Variants in SMOC2 observed in about 807,000 individuals in gnomAD.
The protein encoded by SMOC2 is SPARC related modular calcium binding 2, also known as SPARC-related modular calcium-binding protein 2.
In SMOC2, 39 loss-of-function variants were observed where a neutral mutation model predicts 61.4. That is an observed-to-expected ratio of 0.64 (90% confidence interval 0.49 to 0.83). SMOC2 has a LOEUF of 0.83. Among genes scored for constraint, SMOC2 ranks in the 40% least tolerant of loss-of-function variants. The pLI is 0.00. For missense variants in SMOC2, 556 were observed against 592.9 expected, an observed-to-expected ratio of 0.94 and a Z score of 0.65; for synonymous variants, 247 against 239.9, an observed-to-expected ratio of 1.03 and a Z score of -0.27.
rs139340655 is a variant in SMOC2, at chr6:168,474,150, T to C, written c.84+32696T>C. Among the ~76,000 whole-genome samples the C allele has an allele frequency of 3.8e-3, 575 of 152,184 alleles. 3 individuals are homozygous for C. The highest frequency in any genetic ancestry group is 0.013 in the African/African-American group (554 of 41,534). On this transcript the variant is annotated intron_variant, in intron 1 of 12. Coordinates refer to ENST00000356284, the MANE Select transcript of SMOC2 (RefSeq NM_001166412.2). ...TTCAATAGTGAGCATTTAGCACAGGTGGGGAGGAAAGCCCCCTGGGGAAGG... is the reference window on the plus strand; with the variant it reads ...TTCAATAGTGAGCATTTAGCACAGGCGGGGAGGAAAGCCCCCTGGGGAAGG...
chr6:168,488,633 G>A (rs1308528551), intron 1 of SMOC2, among the ~76,000 whole-genome samples: 2 of 152,182 alleles, frequency 1.3e-5, no homozygotes, highest in Non-Finnish European at 2.9e-5. Context: ...CAATCGAATC[G>A]TCTGGGTCCC....
chr6:168,497,357 TC>T (rs775600158), intron 1 of SMOC2, among the ~76,000 whole-genome samples: 3 of 152,248 alleles, frequency 2.0e-5, no homozygotes, highest in Non-Finnish European at 4.4e-5. Context: ...AGGGACGGCC[TC>T]TGCACCTGCC....
In SMOC2 at chr6:168,453,958, C is replaced by T. The variant is rs1054675014; in HGVS notation, c.84+12504C>T. On this transcript the variant is annotated intron_variant, in intron 1 of 12. Transcript: ENST00000356284. The surrounding 1 kb of genome is among the most constrained non-coding windows in gnomAD (Gnocchi z 4.4). The stretch of plus-strand genomic sequence containing the variant: ...TCTATCTTTGGTCTCTGCCATTCTC[C>T]CTCTCTGTTTTGTCTATCTTTCTTT... Among the ~76,000 whole-genome samples the T allele has an allele frequency of 1.3e-5, 2 of 151,920 alleles. No homozygotes were observed. The highest frequency in any genetic ancestry group is 2.4e-5 in the African/African-American group (1 of 41,340).
intron 1 of SMOC2, among the ~76,000 whole-genome samples, chr6:168,454,908 G>A (rs1255224205): frequency 6.6e-6 from 1 of 152,052 alleles, no homozygotes; most frequent in Non-Finnish European, 1.5e-5. Context: ...CTGTGGCCAG[G>A]GTCCCGGTTT....
chr6:168,530,383 C>G (rs559440063), intron 4 of SMOC2, among the ~76,000 whole-genome samples: 49 of 152,132 alleles, frequency 3.2e-4, no homozygotes, highest in African/African-American at 1.1e-3. Context: ...TGCAAAATAC[C>G]TAAATTCCTA....
intron 1 of SMOC2, among the ~76,000 whole-genome samples, chr6:168,482,201 G>T (rs1283347576): frequency 6.6e-6 from 1 of 151,758 alleles, no homozygotes. Flanking sequence ...AAGTGAAAGT[G>T]GGTTTTCCTA....
chr6:168,632,706 A>G (rs753397383), intron 9 of SMOC2, among the ~76,000 whole-genome samples: 2 of 152,216 alleles, frequency 1.3e-5, no homozygotes, highest in Non-Finnish European at 2.9e-5. Context: ...TGTTTGATAT[A>G]CAGATGGTTA....
chr6:168,613,782 C>T (rs866991368), intron 9 of SMOC2, among the ~76,000 whole-genome samples: 3 of 108,482 alleles, frequency 2.8e-5, no homozygotes, highest in Admixed American at 8.7e-5. Context: ...GGCCTCTTCA[C>T]ACCTACAGCC....
At chr6:168,638,590 T>C (rs1786807165) in intron 9 of SMOC2, among the ~76,000 whole-genome samples, 1 of 152,104 alleles carries the variant, frequency 6.6e-6, no homozygotes. Context: ...GGAGCTCAGC[T>C]GGGGAGGAGG....
At position 168,547,159 on chromosome 6, in the gene SMOC2, A is replaced by G. The variant is rs1435690749; in HGVS notation, c.552A>G (p.Gly184=). The part of the protein sequence containing the change: ...AAPALETQPQ[G]DEEDIASRYP... ...CAGCGTTGGAGACTCAGCCTCAAGG[A>G]GATGAAGAAGGTGAGCCGGGGTGGG... The change falls in exon 6 of 13, where the codon GGA becomes GGG. Residue 184 remains glycine (G), a synonymous_variant. Coordinates refer to ENST00000356284, the MANE Select transcript of SMOC2 (RefSeq NM_001166412.2). 6.2e-7 allele frequency: 1 copy of G among 1,613,930 alleles called. No homozygotes were observed. Among genetic ancestry groups the G allele is most frequent in the Middle Eastern group, 1.7e-4 (1 of 6,060 alleles).
chr6:168,485,455 A>G (rs1782308264), intron 1 of SMOC2, among the ~76,000 whole-genome samples: 2 of 152,244 alleles, frequency 1.3e-5, no homozygotes, highest in Non-Finnish European at 2.9e-5. Context: ...AATAAGTAAA[A>G]TGCAGCCTAG....
At chr6:168,530,876 GT>G (rs1207858409) in intron 4 of SMOC2, among the ~76,000 whole-genome samples, 1 of 152,180 alleles carries the variant, frequency 6.6e-6, no homozygotes, top group Non-Finnish European at 1.5e-5. Context: ...TCCCAGCAGT[GT>G]TCACATGAGA....
chr6:168,450,675 T>G (rs958627651), intron 1 of SMOC2, among the ~76,000 whole-genome samples: 1 of 152,164 alleles, frequency 6.6e-6, no homozygotes, highest in Non-Finnish European at 1.5e-5. Context: ...CCCTGACACT[T>G]TCAGTTCCTT....
In SMOC2 at chr6:168,471,189, TG is replaced by T. The variant is rs143156562; in HGVS notation, c.84+29737del. 4.2e-3 allele frequency among the ~76,000 whole-genome samples: 646 copies of T among 152,358 alleles called. 7 individuals carry two copies. Among genetic ancestry groups the T allele is most frequent in the African/African-American group, 0.015 (606 of 41,590 alleles). On this transcript the variant is annotated intron_variant, in intron 1 of 12. Transcript: ENST00000356284. ...AACCGATATCCAGAACTTTTTCAAC[TG>T]GCAAAACCGAAACTTGACCCGTTTA...
chr6:168,628,257 T>C (rs950915073), intron 9 of SMOC2, among the ~76,000 whole-genome samples: 1 of 152,200 alleles, frequency 6.6e-6, no homozygotes, highest in Admixed American at 6.5e-5. Context: ...ACATACACTT[T>C]CTTGAAAACA....
At chr6:168,492,282 C>G (rs909058621) in intron 1 of SMOC2, among the ~76,000 whole-genome samples, 4 of 152,210 alleles carry the variant, frequency 2.6e-5, no homozygotes, top group Admixed American at 1.3e-4. Flanking sequence ...ATACGAGGCA[C>G]ACACACACAT....
chr6:168,606,252 C>G (rs1430509103), intron 8 of SMOC2, among the ~76,000 whole-genome samples: 1 of 152,192 alleles, frequency 6.6e-6, no homozygotes, highest in Non-Finnish European at 1.5e-5. Flanking sequence ...CTTGTGACCT[C>G]TTGGAGCTGA....
intron 1 of SMOC2, among the ~76,000 whole-genome samples, chr6:168,441,761 G>A (rs1052174077): frequency 4.2e-4 from 64 of 152,330 alleles, no homozygotes; most frequent in African/African-American, 1.5e-3. Flanking sequence ...ACCCGGCTGT[G>A]AGAGGATCCT....
At chr6:168,516,376 C>CAAAAAAA (rs3065283) in intron 2 of SMOC2, among the ~76,000 whole-genome samples, 1 of 134,090 alleles carries the variant, frequency 7.5e-6, no homozygotes, top group South Asian at 2.3e-4. Flanking sequence ...ATAGAAAAGC[C>CAAAAAAA]AAAAAAAAAA....
Sources: allele counts gnomAD v4.1 joint callset (sites outside exome capture counted in the v4.1 genomes callset), GRCh38; gene constraint gnomAD v4.1.1; non-coding constraint Gnocchi (gnomAD v3.1); transcripts MANE v1.5; gene names NCBI Gene and HGNC (gene_info 2026-07-23, HGNC 2026-07-21).